BDP1: variants seen among roughly 807,000 people sequenced by gnomAD.
BDP1 encodes the protein BDP1 general transcription factor IIIB subunit, also known as transcription factor TFIIIB component B'' homolog.
In BDP1, 169 loss-of-function variants were observed where a neutral mutation model predicts 266.6. The ratio of observed to expected loss-of-function variants is 0.63; its 90% CI spans 0.56 to 0.72. BDP1 has a LOEUF of 0.72. BDP1 is among the 30% of genes least tolerant of loss of function. BDP1 has a pLI of 0.00. For missense variants in BDP1, 3,015 were observed against 3,053.8 expected, an observed-to-expected ratio of 0.99 and a Z score of 0.30; for synonymous variants, 1,090 against 1,022.4, an observed-to-expected ratio of 1.07 and a Z score of -1.26.
the BDP1 span, among the ~76,000 whole-genome samples, chr5:71,575,624 A>G: frequency 3.3e-4 from 51 of 152,322 alleles, no homozygotes; most frequent in East Asian, 9.4e-3. Flanking sequence ...GGCCTCTTGT[A>G]GTAATAGATC....
chr5:71,541,433 G>GC, intron 28 of BDP1, 21 bp from the exon 29 acceptor site: 1 of 764,324 alleles, frequency 1.3e-6, no homozygotes, highest in Non-Finnish European at 1.9e-6. Flanking sequence ...TTTTAATTTT[G>GC]TTTTTTTTTT....
chr5:71,524,410 A>G (rs1765663142), intron 25 of BDP1, 87 bp downstream of exon 25: 28 of 1,313,812 alleles, frequency 2.1e-5, no homozygotes, highest in Non-Finnish European at 2.6e-5. Context: ...TTCTTCTCGT[A>G]GTGATTATTA....
At chr5:71,558,777 G>A (rs1287563201) in intron 36 of BDP1, among the ~76,000 whole-genome samples, 2 of 151,550 alleles carry the variant, frequency 1.3e-5, no homozygotes, top group Non-Finnish European at 1.5e-5. Flanking sequence ...GGTGAGCCGA[G>A]ATTGCGCCAT....
At chr5:71,501,106 A>T (rs1764205605) in intron 13 of BDP1, among the ~76,000 whole-genome samples, 1 of 152,118 alleles carries the variant, frequency 6.6e-6, no homozygotes, top group Non-Finnish European at 1.5e-5. Flanking sequence ...CAAAAAAAAA[A>T]AAAAAATTCT....
chr5:71,516,596 A>G (rs1212080524), intron 21 of BDP1, among the ~76,000 whole-genome samples: 1 of 152,230 alleles, frequency 6.6e-6, no homozygotes, highest in Non-Finnish European at 1.5e-5. Flanking sequence ...CATTATGTGC[A>G]CACTTATGCA....
rs1340472307 is a variant in BDP1, at chr5:71,510,156, A to C, written c.3064A>C (p.Arg1022=). The C allele has an allele frequency of 6.2e-7, 1 of 1,614,006 alleles. No homozygotes were observed. The highest frequency in any genetic ancestry group is 8.5e-7 in the Non-Finnish European group (1 of 1,179,996). ...LNATGRESSP[R]EKTPEVIDAT... ...CGCAACTGGAAGAGAGAGTTCTCCAAGGGAGAAGACACCAGAGGTGATTGA... is the reference window on the plus strand; with the variant it reads ...CGCAACTGGAAGAGAGAGTTCTCCACGGGAGAAGACACCAGAGGTGATTGA... The change falls in exon 17 of 39, where the codon AGG becomes CGG. Residue 1022 remains arginine (R), a synonymous_variant. Coordinates refer to ENST00000358731, the MANE Select transcript of BDP1 (RefSeq NM_018429.3).
At position 71,458,784 on chromosome 5, in the gene BDP1, TCAGA is replaced by T. The variant is rs1159541857; in HGVS notation, c.423_426del (p.Arg142ThrfsTer9). 1.2e-6 allele frequency: 2 copies of T among 1,614,126 alleles called. No homozygotes were observed. The highest frequency in any genetic ancestry group is 1.7e-6 in the Non-Finnish European group (2 of 1,179,992). ...TTCAACAAAAGAGAAACAGCCATGC[TCAGA>T]CAGATACCGAATATACAAAGCCCAG... is the stretch of plus-strand genomic sequence containing the variant. On this transcript the variant is annotated frameshift_variant, in exon 2 of 39. Coordinates refer to ENST00000358731, the MANE Select transcript of BDP1 (RefSeq NM_018429.3). LOFTEE classifies it high-confidence loss of function.
chr5:71,531,226 G>A (rs1293040995), intron 25 of BDP1, among the ~76,000 whole-genome samples: 1 of 152,078 alleles, frequency 6.6e-6, no homozygotes, highest in Non-Finnish European at 1.5e-5. Context: ...CACCGCAGCT[G>A]GGGTGACATG....
chr5:71,545,631 A>G (rs994864122), intron 32 of BDP1, among the ~76,000 whole-genome samples: 1 of 152,176 alleles, frequency 6.6e-6, no homozygotes. Flanking sequence ...GTGCCTGGCT[A>G]ACTTCACCCT....
rs1334665498 is a variant in BDP1 at position 71,566,856 on chromosome 5, A to C, written c.*1971A>C. ...CAGTTGGGAAGATATTTTAGAGTCT[A>C]GATAATTATGTTTGTATATTGAAAA... is the stretch of plus-strand genomic sequence containing the variant. On this transcript the variant is annotated 3_prime_UTR_variant, in exon 39 of 39. Transcript: ENST00000358731. 1 of 152,246 alleles carries C rather than the reference A, an allele frequency of 6.6e-6. No individual in the cohort carries two copies. The highest frequency in any genetic ancestry group is 1.5e-5 in the Non-Finnish European group (1 of 68,038). The allele number at this position is 152,246 out of a possible 1,614,324, so 9.4% of individuals were successfully genotyped here. A position where few individuals can be genotyped will look rare whatever the true frequency, so the allele number is the denominator to read the frequency against.
chr5:71,461,897 A>G lies in BDP1; in HGVS notation c.570A>G (p.Ile190Met), dbSNP rs374341352. ...DRSKMTMRDF[I>M]YYLPDNNPMT... The stretch of plus-strand genomic sequence containing the variant: ...CAAAAATGACTATGAGAGACTTCAT[A>G]TATTATCTACCAGATAATAATCCAA... Residue 190 changes from isoleucine (I) to methionine (M), a missense_variant, in exon 3 of 39, where the codon ATA becomes ATG. Ile to Met is a conservative substitution (Grantham distance 10). Coordinates refer to ENST00000358731, the MANE Select transcript of BDP1 (RefSeq NM_018429.3). The G allele has an allele frequency of 5.1e-6, 8 of 1,578,792 alleles. No homozygotes were observed. The highest frequency in any genetic ancestry group is 1.1e-5 in the South Asian group (1 of 89,232).
In BDP1 at chr5:71,479,933, C is replaced by T. The variant is rs201568304; in HGVS notation, c.1015-3909C>T. On this transcript the variant is annotated intron_variant, in intron 7 of 38. Coordinates refer to ENST00000358731, the MANE Select transcript of BDP1 (RefSeq NM_018429.3). ...AAAAAATAATTAATTTTTTGGTCTC[C>T]GTCACGGGTTTTTTTGTTTGTTTTT... Among the ~76,000 whole-genome samples the T allele has an allele frequency of 1.1e-3, 58 of 51,650 alleles. 2 individuals carry two copies. In the South Asian group the frequency reaches 0.037, roughly 33 times the overall value. 33.9% of individuals were successfully genotyped at this position (51,650 alleles called of 152,430 possible).
chr5:71,504,388 G>C (rs879715053), intron 15 of BDP1, among the ~76,000 whole-genome samples: 3 of 152,120 alleles, frequency 2.0e-5, no homozygotes, highest in Non-Finnish European at 4.4e-5. Flanking sequence ...AACCAAGGCA[G>C]TTACTTGTTT....
intron 38 of BDP1, chr5:71,563,014 T>C (rs1743787801): frequency 1.9e-6 from 1 of 522,622 alleles, no homozygotes; most frequent in Non-Finnish European, 2.8e-6. Context: ...AGCATGAGCC[T>C]TTGGAAGGGG....
At chr5:71,549,848 TA>T (rs915000531) in intron 34 of BDP1, among the ~76,000 whole-genome samples, 11 of 152,196 alleles carry the variant, frequency 7.2e-5, no homozygotes, top group African/African-American at 1.9e-4. Flanking sequence ...TTTTGAAAGC[TA>T]AAAAAATTAA....
chr5:71,468,357 G>A (rs1762028654), intron 6 of BDP1, among the ~76,000 whole-genome samples: 1 of 151,934 alleles, frequency 6.6e-6, no homozygotes, highest in Non-Finnish European at 1.5e-5. Context: ...GTCTCAGTAT[G>A]TTGCCCAGGC....
At chr5:71,501,468 C>A in intron 13 of BDP1, 94 bp from the exon 14 acceptor site, 1 of 821,762 alleles carries the variant, frequency 1.2e-6, no homozygotes, top group Non-Finnish European at 2.0e-6. Flanking sequence ...GCCACCGTGC[C>A]CGGCCAGTTC....
chr5:71,470,700 G>A (rs1762187923), intron 7 of BDP1, among the ~76,000 whole-genome samples: 1 of 151,094 alleles, frequency 6.6e-6, no homozygotes. Context: ...CAATTCTCAT[G>A]CCTCAGCATG....
intron 32 of BDP1, among the ~76,000 whole-genome samples, chr5:71,547,677 G>T (rs973942254): frequency 2.0e-5 from 3 of 152,180 alleles, no homozygotes; most frequent in African/African-American, 7.2e-5. Flanking sequence ...CAGGCCAGGC[G>T]CAGTGGCTCA....
Sources: gnomAD v4.1 joint callset for allele counts (sites outside exome capture counted in the v4.1 genomes callset) on GRCh38, gnomAD v4.1.1 for gene constraint, MANE v1.5 for transcripts, NCBI Gene and HGNC (gene_info 2026-07-23, HGNC 2026-07-21) for gene names.